EYS: variants seen among roughly 807,000 people sequenced by gnomAD.
The protein encoded by EYS is protein eyes shut homolog.
Under a neutral mutation model 282.1 loss-of-function variants are expected in EYS, and 250 were observed. The observed-to-expected ratio is 0.89, with a 90% CI of 0.80 to 0.98. The LOEUF (loss-of-function observed/expected upper bound fraction) is 0.98. Among genes scored for constraint, EYS ranks in the 50% least tolerant of loss-of-function variants. The probability of loss-of-function intolerance (pLI) is 0.00; values close to 1 mark genes in which losing one functional copy is unlikely to be tolerated. For synonymous variants in EYS, 1,355 were observed against 1,282.9 expected (o/e 1.06, Z -1.20); for missense variants, 4,016 against 3,709.0 (o/e 1.08, Z -2.15).
At chr6:63,978,581 G>T (rs1270591642) in intron 35 of EYS, among the ~76,000 whole-genome samples, 1 of 151,858 alleles carries the variant, frequency 6.6e-6, no homozygotes, top group East Asian at 1.9e-4. Flanking sequence ...CTAGATTTGG[G>T]GTAATCTGGG....
At chr6:65,285,014 G>T (rs1412774697) in intron 12 of EYS, among the ~76,000 whole-genome samples, 1 of 151,670 alleles carries the variant, frequency 6.6e-6, no homozygotes, top group Non-Finnish European at 1.5e-5. Context: ...GTAAGTGTTT[G>T]ATGTTTTCTG....
At chr6:65,392,254 G>C (rs753560860) in intron 7 of EYS, among the ~76,000 whole-genome samples, 545 of 151,712 alleles carry the variant, frequency 3.6e-3, no homozygotes, top group Admixed American at 5.0e-3. Flanking sequence ...TCAGGACATA[G>C]GCATGGGCAA....
chr6:64,209,135 A>G (rs1404175410), intron 31 of EYS, among the ~76,000 whole-genome samples: 1 of 152,182 alleles, frequency 6.6e-6, no homozygotes, highest in Non-Finnish European at 1.5e-5. Context: ...AACAACTGCC[A>G]TATCAATTTT....
intron 12 of EYS, among the ~76,000 whole-genome samples, chr6:65,223,935 T>C (rs962918192): frequency 1.3e-5 from 2 of 152,288 alleles, no homozygotes; most frequent in Non-Finnish European, 2.9e-5. Flanking sequence ...CCTTGCTGCA[T>C]ATCTGTAAGT....
intron 12 of EYS, among the ~76,000 whole-genome samples, chr6:65,066,369 T>G (rs1393429240): frequency 6.6e-6 from 1 of 152,202 alleles, no homozygotes; most frequent in Non-Finnish European, 1.5e-5. Context: ...AATAACAAGA[T>G]TACTCTTGGC....
intron 12 of EYS, among the ~76,000 whole-genome samples, chr6:65,077,832 A>T (rs543838903): frequency 2.8e-4 from 43 of 152,274 alleles, no homozygotes; most frequent in African/African-American, 1.0e-3. Flanking sequence ...ACATATATTT[A>T]TAAGTGAACA....
At chr6:64,333,578 A>G (rs925133299) in intron 29 of EYS, among the ~76,000 whole-genome samples, 3 of 152,156 alleles carry the variant, frequency 2.0e-5, no homozygotes, top group African/African-American at 2.4e-5. Flanking sequence ...AACCCACTCA[A>G]TCTGACAGTA....
At chr6:64,309,590 AC>A (rs1769592617) in intron 29 of EYS, among the ~76,000 whole-genome samples, 1 of 63,724 alleles carries the variant, frequency 1.6e-5, no homozygotes, top group Non-Finnish European at 3.0e-5. Context: ...TATACAAACA[AC>A]CTTCTTATAA....
intron 24 of EYS, among the ~76,000 whole-genome samples, chr6:64,615,687 T>C (rs1025025943): frequency 2.0e-5 from 3 of 152,128 alleles, no homozygotes; most frequent in East Asian, 1.9e-4. Context: ...ACTAATGCAT[T>C]AGCAAAAGTT....
At chr6:64,064,373 A>G (rs1238815042) in intron 33 of EYS, among the ~76,000 whole-genome samples, 1 of 152,156 alleles carries the variant, frequency 6.6e-6, no homozygotes, top group Admixed American at 6.5e-5. Flanking sequence ...TGCAAATATT[A>G]AGACATCGAG....
At chr6:65,570,870 C>T (rs1764451608) in intron 2 of EYS, among the ~76,000 whole-genome samples, 1 of 151,988 alleles carries the variant, frequency 6.6e-6, no homozygotes, top group African/African-American at 2.4e-5. Context: ...TTAAAAGTAA[C>T]TGAAGATTTT....
chr6:64,048,003 T>G (rs566002683), intron 33 of EYS, among the ~76,000 whole-genome samples: 23 of 152,260 alleles, frequency 1.5e-4, no homozygotes, highest in African/African-American at 5.5e-4. Context: ...CCTCCCAGGT[T>G]CAAGTGATTT....
At position 65,051,178 on chromosome 6, in the gene EYS, A is replaced by G. The variant is rs529860620; in HGVS notation, c.2137+6436T>C. Among the ~76,000 whole-genome samples, 4 of 151,682 alleles carry G rather than the reference A, an allele frequency of 2.6e-5. No individual in the cohort carries two copies. The East Asian group carries it at 7.8e-4, about 30-fold the overall frequency. ...AAGCCTTATCTTTTTTGCATTAGCT[A>G]CTGAAAACTTTTATATTTTAGAACA... is the stretch of plus-strand genomic sequence containing the variant. On this transcript the variant is annotated intron_variant, in intron 13 of 42. Transcript: ENST00000503581.
At chr6:64,652,019 C>A (rs1251472844) in intron 22 of EYS, among the ~76,000 whole-genome samples, 1 of 152,182 alleles carries the variant, frequency 6.6e-6, no homozygotes, top group Admixed American at 6.5e-5. Context: ...TAGACTTTAA[C>A]AACAGGTTTT....
intron 30 of EYS, among the ~76,000 whole-genome samples, chr6:64,297,977 C>CAAAAAAAAAAAAAAAAAAA (rs34562408): frequency 5.2e-5 from 5 of 96,436 alleles, no homozygotes; most frequent in African/African-American, 1.9e-4. Flanking sequence ...GATTCTGTCT[C>CAAAAAAAAAAAAAAAAAAA]AAAAAAAAAA....
intron 35 of EYS, among the ~76,000 whole-genome samples, chr6:63,902,750 A>T (rs922933762): frequency 6.6e-6 from 1 of 151,820 alleles, no homozygotes; most frequent in African/African-American, 2.4e-5. Flanking sequence ...TCCAAAAGGG[A>T]ATTCAAATAG....
At chr6:64,347,328 A>G (rs753640583) in intron 29 of EYS, among the ~76,000 whole-genome samples, 2 of 151,474 alleles carry the variant, frequency 1.3e-5, no homozygotes, top group Non-Finnish European at 3.0e-5. Context: ...AGAAATTATT[A>G]TTAATCCTTA....
chr6:65,152,288 C>A (rs1008765535), intron 12 of EYS, among the ~76,000 whole-genome samples: 2 of 151,892 alleles, frequency 1.3e-5, no homozygotes, highest in Non-Finnish European at 2.9e-5. Flanking sequence ...CTTTACACAC[C>A]TAGTGTTATG....
intron 31 of EYS, among the ~76,000 whole-genome samples, chr6:64,146,956 C>T (rs1774538849): frequency 6.6e-6 from 1 of 152,060 alleles, no homozygotes; most frequent in Admixed American, 6.6e-5. Context: ...GGTCAGTTGC[C>T]TGAGATTGCA....
Sources: allele counts gnomAD v4.1 joint callset (sites outside exome capture counted in the v4.1 genomes callset), GRCh38; gene constraint gnomAD v4.1.1; transcripts MANE v1.5; gene names NCBI Gene and HGNC (gene_info 2026-07-23, HGNC 2026-07-21).